Variants in NPIPB8 observed in about 807,000 individuals in gnomAD.
NPIPB8 encodes nuclear pore complex interacting protein family member B8, also known as nuclear pore complex-interacting protein family member B8.
Under a neutral mutation model 5.3 loss-of-function variants are expected in NPIPB8, and 3 were observed. The ratio of observed to expected loss-of-function variants is 0.57; its 90% CI spans 0.26 to 1.47. The LOEUF (loss-of-function observed/expected upper bound fraction) is 1.47. Ranked by LOEUF, NPIPB8 falls within the 40% of genes most tolerant of loss-of-function variation. NPIPB8 has a pLI of 0.13. For synonymous variants in NPIPB8, 18 were observed against 23.0 expected (o/e 0.78, Z 0.62); for missense variants, 50 against 50.2 (o/e 1.00, Z 0.01).
intron 5 of NPIPB8, among the ~76,000 whole-genome samples, chr16:28,652,677 C>A (rs2048062375): frequency 8.1e-6 from 1 of 123,828 alleles, no homozygotes; most frequent in Admixed American, 8.2e-5. Flanking sequence ...ATGGCACAAT[C>A]TCAGCTCACT....
At chr16:28,645,158 C>T (rs904268636) in intron 2 of NPIPB8, among the ~76,000 whole-genome samples, 1 of 135,178 alleles carries the variant, frequency 7.4e-6, no homozygotes, top group Non-Finnish European at 1.6e-5. Context: ...ATTGTCCTGC[C>T]CCAGCCTCCT....
rs1040425487 is a variant in NPIPB8 at position 28,639,867 on chromosome 16, A to C, written c.120+1387A>C. ...GATTGAAAGAATACATATGCAAATAAGTTTACTTTTATTTTTGGTAACACT... is the reference window on the plus strand; with the variant it reads ...GATTGAAAGAATACATATGCAAATACGTTTACTTTTATTTTTGGTAACACT... On this transcript the variant is annotated intron_variant, in intron 2 of 7. Coordinates refer to ENST00000683297, the MANE Select transcript of NPIPB8 (RefSeq NM_001310136.2). Among the ~76,000 whole-genome samples the C allele has an allele frequency of 1.9e-4, 28 of 150,376 alleles. 1 individual carries two copies. The highest frequency in any genetic ancestry group is 1.7e-3 in the Admixed American group (26 of 15,082).
chr16:28,638,417 G>C lies in NPIPB8; in HGVS notation c.57G>C (p.Gln19His). The C allele has an allele frequency of 6.4e-7, 1 of 1,572,686 alleles. No homozygotes were observed. Among genetic ancestry groups the C allele is most frequent in the South Asian group, 1.1e-5 (1 of 88,176 alleles). The change falls in exon 2 of 8, where the codon CAG (glutamine) becomes CAC (histidine). Residue 19 changes from glutamine to histidine, a missense_variant. Physicochemically the swap from Gln to His is conservative, Grantham distance 24 (BLOSUM62 0). Transcript: ENST00000683297. The stretch of plus-strand genomic sequence containing the variant: ...AGTTCCTGTCCCATGACCAGGGCCA[G>C]CTCACCAAGGAGCTGCAGCAGCATG... ...TPQFLSHDQGQLTKELQQHVK... is the reference protein window; with the variant it reads ...TPQFLSHDQGHLTKELQQHVK...
At chr16:28,641,642 G>A (rs2047898610) in intron 2 of NPIPB8, among the ~76,000 whole-genome samples, 1 of 134,816 alleles carries the variant, frequency 7.4e-6, no homozygotes, top group Non-Finnish European at 1.7e-5. Flanking sequence ...TGCCAGCTCT[G>A]GAACGAAAGA....
chr16:28,640,881 C>T (rs941101377), intron 2 of NPIPB8, among the ~76,000 whole-genome samples: 2 of 152,072 alleles, frequency 1.3e-5, no homozygotes, highest in East Asian at 3.8e-4. Flanking sequence ...AGGATGGGAA[C>T]ATTGAGAGAG....
intron 2 of NPIPB8, among the ~76,000 whole-genome samples, chr16:28,640,635 G>A (rs539271463): frequency 6.6e-6 from 1 of 152,276 alleles, no homozygotes; most frequent in African/African-American, 2.4e-5. Flanking sequence ...CAGAGGAAGA[G>A]AGTGGGGAAC....
chr16:28,657,348 C>G lies in NPIPB8; in HGVS notation c.696+680C>G. 1.2e-5 allele frequency: 8 copies of G among 649,984 alleles called. 2 individuals are homozygous for G. The highest frequency in any genetic ancestry group is 1.4e-5 in the Non-Finnish European group (8 of 574,650). 40.3% of individuals were successfully genotyped at this position (649,984 alleles called of 1,614,324 possible). A position where few individuals can be genotyped will look rare whatever the true frequency, so the allele number is the denominator to read the frequency against. On this transcript the variant is annotated intron_variant, in intron 7 of 7. Transcript: ENST00000683297. Reference sequence around the variant, plus strand: ...GTGGCACCTCCAGAGTGAAGAAGTTCCTTTGTCAAGAAGGGAAACAGAGGG... The same window carrying G: ...GTGGCACCTCCAGAGTGAAGAAGTTGCTTTGTCAAGAAGGGAAACAGAGGG...
intron 2 of NPIPB8, among the ~76,000 whole-genome samples, chr16:28,642,454 T>C (rs989396919): frequency 2.6e-5 from 4 of 151,540 alleles, no homozygotes; most frequent in South Asian, 4.2e-4. Context: ...TTGAATTCCA[T>C]AGTTTTGTAA....
At position 28,641,293 on chromosome 16, in the gene NPIPB8, G is replaced by C. The variant is rs899941637; in HGVS notation, c.120+2813G>C. 6.6e-5 allele frequency among the ~76,000 whole-genome samples: 10 copies of C among 151,102 alleles called. 1 individual carries two copies. The highest frequency in any genetic ancestry group is 1.5e-4 in the African/African-American group (6 of 41,130). On this transcript the variant is annotated intron_variant, in intron 2 of 7. Transcript: ENST00000683297. Reference sequence around the variant, plus strand: ...ATCATCTGTGGGGATAGTGGGGGTAGTGGGGGTAGTGGTCAGCCAGACTTG... The same window carrying C: ...ATCATCTGTGGGGATAGTGGGGGTACTGGGGGTAGTGGTCAGCCAGACTTG...
At chr16:28,639,340 C>A (rs988293108) in intron 2 of NPIPB8, among the ~76,000 whole-genome samples, 1 of 148,890 alleles carries the variant, frequency 6.7e-6, no homozygotes, top group African/African-American at 2.5e-5. Context: ...TGAACATTAT[C>A]TTGTCTTTTA....
At chr16:28,640,340 C>T (rs374299855) in intron 2 of NPIPB8, among the ~76,000 whole-genome samples, 5 of 152,240 alleles carry the variant, frequency 3.3e-5, no homozygotes, top group East Asian at 3.9e-4. Context: ...CTCTCCTGTG[C>T]CCTGTGCCCC....
chr16:28,640,955 G>T (rs866589306), intron 2 of NPIPB8, among the ~76,000 whole-genome samples: 1 of 151,950 alleles, frequency 6.6e-6, no homozygotes, highest in South Asian at 2.1e-4. Flanking sequence ...TTAAATCCAG[G>T]CACTGTCTTT....
intron 2 of NPIPB8, among the ~76,000 whole-genome samples, chr16:28,640,750 C>T (rs147751328): frequency 0.026 from 3,954 of 152,126 alleles, 181 homozygotes; most frequent in African/African-American, 0.09. Flanking sequence ...CATGATTAAA[C>T]GGAGTAGACT....
chr16:28,640,728 A>C (rs1037871168), intron 2 of NPIPB8, among the ~76,000 whole-genome samples: 5 of 152,108 alleles, frequency 3.3e-5, no homozygotes, highest in African/African-American at 4.8e-5. Flanking sequence ...AGCTGCACAA[A>C]ATCATCACCA....
At chr16:28,643,055 C>A (rs1220698731) in intron 2 of NPIPB8, among the ~76,000 whole-genome samples, 2 of 152,010 alleles carry the variant, frequency 1.3e-5, no homozygotes, top group South Asian at 2.1e-4. Flanking sequence ...CTGTCCTGGT[C>A]ACCAGACCCC....
chr16:28,638,261 A>G, intron 1 of NPIPB8, 62 bp from the exon 2 acceptor site: 1 of 1,533,038 alleles, frequency 6.5e-7, no homozygotes, highest in Non-Finnish European at 8.7e-7. Flanking sequence ...ACCACTATAG[A>G]CTCAAACATC....
intron 1 of NPIPB8, 54 bp downstream of exon 1, chr16:28,638,204 G>A: frequency 7.7e-7 from 1 of 1,291,844 alleles, no homozygotes; most frequent in Non-Finnish European, 1.0e-6. Context: ...TCAAAGTACA[G>A]GAATTTGAAC....
chr16:28,651,229 C>T lies in NPIPB8; in HGVS notation c.304-728C>T, dbSNP rs867469406. 4.2e-3 allele frequency among the ~76,000 whole-genome samples: 152 copies of T among 35,866 alleles called. 2 individuals carry two copies. Among genetic ancestry groups the T allele is most frequent in the Middle Eastern group, 0.036 (3 of 84 alleles). The allele number at this position is 35,866 out of a possible 152,430, so 23.5% of individuals were successfully genotyped here. A position where few individuals can be genotyped will look rare whatever the true frequency, so the allele number is the denominator to read the frequency against. ...CCATCTCTTGACCTTGTGATTCACCCGCCTCAGCCTCCCAAAGTGCTGGGA... is the reference window on the plus strand; with the variant it reads ...CCATCTCTTGACCTTGTGATTCACCTGCCTCAGCCTCCCAAAGTGCTGGGA... On this transcript the variant is annotated intron_variant, in intron 3 of 7. Transcript: ENST00000683297.
At chr16:28,639,290 A>G (rs1312526244) in intron 2 of NPIPB8, among the ~76,000 whole-genome samples, 1 of 149,526 alleles carries the variant, frequency 6.7e-6, no homozygotes, top group Non-Finnish European at 1.5e-5. Context: ...TGTGCAGTCT[A>G]CAAAAAGTCC....
Sources: allele counts gnomAD v4.1 joint callset (sites outside exome capture counted in the v4.1 genomes callset), GRCh38; gene constraint gnomAD v4.1.1; transcripts MANE v1.5; gene names NCBI Gene and HGNC (gene_info 2026-07-23, HGNC 2026-07-21).